Variants in GABRB3 observed in about 807,000 individuals in gnomAD.
GABRB3 encodes the protein gamma-aminobutyric acid type A receptor subunit beta3, also known as gamma-aminobutyric acid receptor subunit beta-3.
A neutral mutation model predicts 52.1 loss-of-function variants in GABRB3; 14 were observed. The ratio of observed to expected loss-of-function variants is 0.27; its 90% CI spans 0.18 to 0.42. The LOEUF (loss-of-function observed/expected upper bound fraction) is 0.42, where lower values mean the gene tolerates loss of function less well. Among genes scored for constraint, GABRB3 ranks in the 10% least tolerant of loss-of-function variants. GABRB3 has a pLI of 1.00. For missense variants in GABRB3, 307 were observed against 609.1 expected (o/e 0.50, Z 5.22); for synonymous variants, 260 against 232.3 (o/e 1.12, Z -1.08).
intron 4 of GABRB3, among the ~76,000 whole-genome samples, chr15:26,603,761 G>C (rs1891670554): frequency 6.6e-6 from 1 of 151,862 alleles, no homozygotes. Flanking sequence ...AACTAAGATA[G>C]AAGGAACATA....
chr15:26,723,918 A>G (rs1889706428), intron 3 of GABRB3, among the ~76,000 whole-genome samples: 1 of 152,170 alleles, frequency 6.6e-6, no homozygotes, highest in Non-Finnish European at 1.5e-5. Flanking sequence ...TGAGAAAAAA[A>G]AAATGTCATA....
chr15:26,703,393 T>C (rs1367666897), intron 3 of GABRB3, among the ~76,000 whole-genome samples: 2 of 152,156 alleles, frequency 1.3e-5, no homozygotes, highest in Non-Finnish European at 2.9e-5. Flanking sequence ...AGTTATCCTT[T>C]AAATGTTCCA....
At chr15:26,597,581 C>A (rs191187895) in intron 4 of GABRB3, among the ~76,000 whole-genome samples, 157 of 152,222 alleles carry the variant, frequency 1.0e-3, no homozygotes, top group Non-Finnish European at 1.8e-3. Flanking sequence ...GGATCCTCTA[C>A]AATAGAGCTG....
chr15:26,615,831 G>A, intron 4 of GABRB3: 2 of 1,217,292 alleles, frequency 1.6e-6, no homozygotes, highest in Non-Finnish European at 2.1e-6. Context: ...AGTGTCCAGG[G>A]GTGAGAGAAA....
intron 4 of GABRB3, among the ~76,000 whole-genome samples, chr15:26,616,899 A>G (rs1381137679): frequency 6.6e-6 from 1 of 152,148 alleles, no homozygotes; most frequent in Non-Finnish European, 1.5e-5. Context: ...AACAGAGTTA[A>G]AGCTCTTTGC....
intron 3 of GABRB3, among the ~76,000 whole-genome samples, chr15:26,639,220 A>G (rs1280896349): frequency 2.0e-5 from 3 of 152,134 alleles, no homozygotes; most frequent in Non-Finnish European, 4.4e-5. Flanking sequence ...TGTTAATTCC[A>G]AAATGACTAG....
intron 3 of GABRB3, among the ~76,000 whole-genome samples, chr15:26,652,628 T>C (rs1240784560): frequency 6.6e-6 from 1 of 152,166 alleles, no homozygotes; most frequent in African/African-American, 2.4e-5. Flanking sequence ...CATAAACATT[T>C]CCTGGAAATA....
At chr15:26,772,807 C>A (rs1332851402) in intron 1 of GABRB3, 35 bp from the exon 2 acceptor site, 3 of 1,511,308 alleles carry the variant, frequency 2.0e-6, no homozygotes, top group Admixed American at 4.0e-5. Flanking sequence ...AGAGCGGGGT[C>A]AGGGGCGGCT....
intron 3 of GABRB3, among the ~76,000 whole-genome samples, chr15:26,646,369 C>T (rs575827771): frequency 5.6e-4 from 86 of 152,306 alleles, no homozygotes; most frequent in Non-Finnish European, 1.1e-3. Context: ...TGAGGTACAT[C>T]TATATGGTAG....
At chr15:26,617,820 C>G (rs545683634) in intron 4 of GABRB3, among the ~76,000 whole-genome samples, 8,320 of 151,886 alleles carry the variant, frequency 0.055, 691 homozygotes, top group African/African-American at 0.19. Flanking sequence ...AGCAAAGTCT[C>G]AGGATACAAA....
At chr15:26,569,607 G>A (rs546048714) in intron 6 of GABRB3, among the ~76,000 whole-genome samples, 14 of 152,234 alleles carry the variant, frequency 9.2e-5, no homozygotes, top group South Asian at 2.1e-4. Context: ...GTGCAGAGCC[G>A]GTTTTCCATA....
intron 3 of GABRB3, among the ~76,000 whole-genome samples, chr15:26,749,556 GTTC>G (rs1890444562): frequency 6.6e-6 from 1 of 152,150 alleles, no homozygotes; most frequent in African/African-American, 2.4e-5. Context: ...GTGTCGTTTG[GTTC>G]TTCTGTATGT....
intron 3 of GABRB3, among the ~76,000 whole-genome samples, chr15:26,690,683 T>C (rs1953558633): frequency 6.6e-6 from 1 of 151,860 alleles, no homozygotes; most frequent in South Asian, 2.1e-4. Context: ...TGTTCCCACT[T>C]AGTGTTTGTG....
chr15:26,749,666 T>C (rs1220458678), intron 3 of GABRB3, among the ~76,000 whole-genome samples: 1 of 152,182 alleles, frequency 6.6e-6, no homozygotes, highest in Non-Finnish European at 1.5e-5. Context: ...AGCTTTTGGA[T>C]GGTGTTTGGC....
At chr15:26,614,478 A>G (rs534757153) in intron 4 of GABRB3, 1 of 152,330 alleles carries the variant, frequency 6.6e-6, no homozygotes, top group South Asian at 2.1e-4. Context: ...TCACAATCCT[A>G]AAGCTAATAT....
chr15:26,661,747 A>C (rs1034305924), intron 3 of GABRB3, among the ~76,000 whole-genome samples: 4 of 152,180 alleles, frequency 2.6e-5, no homozygotes, highest in Non-Finnish European at 5.9e-5. Context: ...GCAAGAGCTC[A>C]TCCCACCAGA....
At chr15:26,744,515 T>A (rs1295566798) in intron 3 of GABRB3, among the ~76,000 whole-genome samples, 6 of 152,080 alleles carry the variant, frequency 3.9e-5, no homozygotes, top group Non-Finnish European at 7.4e-5. Flanking sequence ...AACCTCTGCC[T>A]CCTGGGTTCA....
At chr15:26,618,825 A>G (rs1398053081) in intron 4 of GABRB3, among the ~76,000 whole-genome samples, 1 of 152,178 alleles carries the variant, frequency 6.6e-6, no homozygotes, top group East Asian at 1.9e-4. Flanking sequence ...TTACAAGAAA[A>G]AAACAAACAA....
chr15:26,604,704 G>A (rs1033319305), intron 4 of GABRB3, among the ~76,000 whole-genome samples: 1 of 151,232 alleles, frequency 6.6e-6, no homozygotes, highest in African/African-American at 2.4e-5. Flanking sequence ...GGGAAAACTG[G>A]ATAACCGGAT....
Sources: gnomAD v4.1 joint callset for allele counts (sites outside exome capture counted in the v4.1 genomes callset) on GRCh38, gnomAD v4.1.1 for gene constraint, MANE v1.5 for transcripts, NCBI Gene and HGNC (gene_info 2026-07-23, HGNC 2026-07-21) for gene names.